The following ZFPM2 variants were observed in gnomAD, a reference collection of about 807,000 sequenced individuals.
ZFPM2 encodes the protein zinc finger protein, FOG family member 2, also known as zinc finger protein ZFPM2.
Under a neutral mutation model 98.6 loss-of-function variants are expected in ZFPM2, and 20 were observed. The ratio of observed to expected loss-of-function variants is 0.20; its 90% CI spans 0.14 to 0.29. The LOEUF is 0.29. ZFPM2 is among the 10% of genes least tolerant of loss of function. ZFPM2 has a pLI of 1.00. For synonymous variants in ZFPM2, 518 were observed against 502.7 expected (o/e 1.03, Z -0.41); for missense variants, 1,310 against 1,388.6 (o/e 0.94, Z 0.90).
intron 3 of ZFPM2, among the ~76,000 whole-genome samples, chr8:105,532,475 A>G (rs1451103499): frequency 6.6e-6 from 1 of 152,310 alleles, no homozygotes; most frequent in Admixed American, 6.5e-5. Flanking sequence ...TTTGAGTGGT[A>G]TTGCTCTACA....
chr8:105,368,752 A>C (rs913141305), intron 1 of ZFPM2, among the ~76,000 whole-genome samples: 1 of 152,092 alleles, frequency 6.6e-6, no homozygotes, highest in African/African-American at 2.4e-5. Context: ...GTATCCATAA[A>C]TTTCAAGATA....
At chr8:105,478,198 G>A (rs561150373) in intron 3 of ZFPM2, among the ~76,000 whole-genome samples, 104 of 152,290 alleles carry the variant, frequency 6.8e-4, no homozygotes, top group African/African-American at 2.4e-3. Context: ...ATCCAGCCCC[G>A]ATACTTTCTG....
At chr8:105,469,630 C>T (rs1004045884) in intron 3 of ZFPM2, among the ~76,000 whole-genome samples, 1 of 152,180 alleles carries the variant, frequency 6.6e-6, no homozygotes, top group African/African-American at 2.4e-5. Flanking sequence ...TCTTTATGTG[C>T]CTCAGTTTCC....
intron 3 of ZFPM2, among the ~76,000 whole-genome samples, chr8:105,516,804 G>T (rs535965475): frequency 6.6e-6 from 1 of 152,116 alleles, no homozygotes; most frequent in African/African-American, 2.4e-5. Context: ...GTCCAGCACC[G>T]TTCCAGAGTA....
intron 3 of ZFPM2, among the ~76,000 whole-genome samples, chr8:105,498,027 C>CAAAAAAA (rs1195802124): frequency 3.2e-5 from 2 of 61,900 alleles, no homozygotes; most frequent in African/African-American, 5.5e-5. Context: ...CCGTCTCTAC[C>CAAAAAAA]AAAAAAAAAA....
At chr8:105,514,879 A>G (rs1813889017) in intron 3 of ZFPM2, among the ~76,000 whole-genome samples, 1 of 152,226 alleles carries the variant, frequency 6.6e-6, no homozygotes, top group Non-Finnish European at 1.5e-5. Context: ...TCGAGCCTGC[A>G]CATAGTAGGC....
At position 105,396,758 on chromosome 8, in the gene ZFPM2, A is replaced by T. The variant is rs1342754474; in HGVS notation, c.41-22386A>T. 5.9e-5 allele frequency among the ~76,000 whole-genome samples: 9 copies of T among 152,192 alleles called. No homozygotes were observed. The East Asian group carries it at 1.7e-3, about 29-fold the overall frequency. ...CATTAGAATGGCCTTTTAGGGTCTA[A>T]CAAAATACAAATATTGCTAATCAAG... On this transcript the variant is annotated intron_variant, in intron 1 of 7. Coordinates refer to ENST00000407775, the MANE Select transcript of ZFPM2 (RefSeq NM_012082.4).
intron 5 of ZFPM2, among the ~76,000 whole-genome samples, chr8:105,673,741 A>G (rs1817640027): frequency 6.6e-6 from 1 of 152,202 alleles, no homozygotes; most frequent in Non-Finnish European, 1.5e-5. Context: ...AGGATGAGAG[A>G]TAGAATTCCC....
intron 6 of ZFPM2, among the ~76,000 whole-genome samples, chr8:105,792,907 T>C (rs200247538): frequency 1.4e-4 from 21 of 152,226 alleles, no homozygotes; most frequent in African/African-American, 3.4e-4. Context: ...AGGATTGCAA[T>C]CCCTGCCTTT....
chr8:105,617,491 G>C (rs564959090), intron 4 of ZFPM2, among the ~76,000 whole-genome samples: 1 of 152,272 alleles, frequency 6.6e-6, no homozygotes, highest in African/African-American at 2.4e-5. Flanking sequence ...TTTGAGTGCA[G>C]ATTAGGTTCC....
chr8:105,446,518 G>T (rs1333447801), intron 3 of ZFPM2, among the ~76,000 whole-genome samples: 1 of 152,086 alleles, frequency 6.6e-6, no homozygotes, highest in Non-Finnish European at 1.5e-5. Flanking sequence ...AGTTGTATTT[G>T]TGGCTAATAA....
rs1243640396 is a variant in ZFPM2, at chr8:105,788,612, A to C, written c.533-106A>C. 7 of 1,121,248 alleles carry C rather than the reference A, an allele frequency of 6.2e-6. No homozygotes were observed. In the East Asian group the frequency reaches 1.7e-4, roughly 27 times the overall value. The allele number at this position is 1,121,248 out of a possible 1,614,324, so 69.5% of individuals were successfully genotyped here. A position where few individuals can be genotyped will look rare whatever the true frequency, so the allele number is the denominator to read the frequency against. On this transcript the variant is annotated intron_variant, in intron 5 of 7. Coordinates refer to ENST00000407775, the MANE Select transcript of ZFPM2 (RefSeq NM_012082.4). ...TTGATCAAACACTCCACTCCAGTAG[A>C]AACCAGTGTGAAAAACATGAGAAGG...
chr8:105,755,479 G>A (rs190820426), intron 5 of ZFPM2, among the ~76,000 whole-genome samples: 1 of 152,232 alleles, frequency 6.6e-6, no homozygotes, highest in East Asian at 1.9e-4. Context: ...GGTCATTTGA[G>A]TGCTTTAATA....
At chr8:105,653,852 A>ATTTTTTTT (rs1563506586) in intron 5 of ZFPM2, among the ~76,000 whole-genome samples, 1 of 56,224 alleles carries the variant, frequency 1.8e-5, no homozygotes, top group Non-Finnish European at 3.7e-5. Context: ...CTTGTGTGCT[A>ATTTTTTTT]TCTTTTTTTT....
chr8:105,574,985 G>A (rs370686812), intron 4 of ZFPM2, among the ~76,000 whole-genome samples: 1 of 151,816 alleles, frequency 6.6e-6, no homozygotes, highest in East Asian at 1.9e-4. Context: ...GTACAGAAGT[G>A]GTGGAAAGAA....
chr8:105,345,728 G>A (rs2129685193), intron 1 of ZFPM2, among the ~76,000 whole-genome samples: 1 of 152,184 alleles, frequency 6.6e-6, no homozygotes, highest in Non-Finnish European at 1.5e-5. Context: ...TGATGTAGTA[G>A]AGAAATTGGG....
chr8:105,537,907 AT>A (rs1814490796), intron 3 of ZFPM2, among the ~76,000 whole-genome samples: 1 of 151,454 alleles, frequency 6.6e-6, no homozygotes, highest in South Asian at 2.1e-4. Flanking sequence ...AATTTTTTGT[AT>A]TTTAGTAGAT....
intron 1 of ZFPM2, among the ~76,000 whole-genome samples, chr8:105,362,548 ATATT>A (rs1263695293): frequency 6.6e-5 from 10 of 152,120 alleles, no homozygotes; most frequent in African/African-American, 1.9e-4. Flanking sequence ...TCTGTTGATT[ATATT>A]TATTTATTTT....
rs1033820468 is a variant in ZFPM2 at position 105,628,436 on chromosome 8, G to A, written c.421-5810G>A. ...AATTCTAGGCAGAAAAGGGTGGGTC[G>A]CTGGCAAAAACCCCACCCTCAAGCC... On this transcript the variant is annotated intron_variant, in intron 4 of 7. Transcript: ENST00000407775. 1.4e-4 allele frequency among the ~76,000 whole-genome samples: 21 copies of A among 152,262 alleles called. 2 individuals carry two copies. Among genetic ancestry groups the A allele is most frequent in the East Asian group, 1.9e-4 (1 of 5,180 alleles).
Sources: gnomAD v4.1 joint callset for allele counts (sites outside exome capture counted in the v4.1 genomes callset) on GRCh38, gnomAD v4.1.1 for gene constraint, MANE v1.5 for transcripts, NCBI Gene and HGNC (gene_info 2026-07-23, HGNC 2026-07-21) for gene names.